RAI14: variants seen among roughly 807,000 people sequenced by gnomAD.
RAI14 encodes retinoic acid induced 14.
A neutral mutation model predicts 115.4 loss-of-function variants in RAI14; 45 were observed. The observed-to-expected ratio is 0.39, with a 90% CI of 0.31 to 0.50. The LOEUF is 0.50. RAI14 is among the 20% of genes least tolerant of loss of function. The pLI, the probability that RAI14 is intolerant of heterozygous loss-of-function variation, is 0.85. For missense variants in RAI14, 939 were observed against 1,131.2 expected, an observed-to-expected ratio of 0.83 and a Z score of 2.44; for synonymous variants, 371 against 415.4, an observed-to-expected ratio of 0.89 and a Z score of 1.30.
intron 16 of RAI14, 52 bp from the exon 17 acceptor site, chr5:34,829,680 T>C (rs1211744137): frequency 1.3e-6 from 2 of 1,495,898 alleles, no homozygotes; most frequent in Non-Finnish European, 1.8e-6. Flanking sequence ...TTTGTTTTTG[T>C]TCTTTAAAGA....
intron 5 of RAI14, among the ~76,000 whole-genome samples, chr5:34,804,316 C>T (rs1754613125): frequency 6.6e-6 from 1 of 152,136 alleles, no homozygotes; most frequent in African/African-American, 2.4e-5. Context: ...ATAATCTTGC[C>T]AGGAAGTTTG....
intron 3 of RAI14, among the ~76,000 whole-genome samples, chr5:34,767,004 A>T (rs114457039): frequency 0.043 from 6,466 of 152,140 alleles, 147 homozygotes; most frequent in Admixed American, 0.063. Context: ...GCCACCACCA[A>T]GTAAGAAGTG....
chr5:34,660,575 C>T (rs1742614218), intron 1 of RAI14, among the ~76,000 whole-genome samples: 1 of 152,188 alleles, frequency 6.6e-6, no homozygotes, highest in African/African-American at 2.4e-5. Flanking sequence ...ATTACTCACC[C>T]AACCTCCTCT....
At chr5:34,743,808 G>A (rs1052055743) in intron 2 of RAI14, among the ~76,000 whole-genome samples, 1 of 152,148 alleles carries the variant, frequency 6.6e-6, no homozygotes, top group Non-Finnish European at 1.5e-5. Flanking sequence ...ATGGGGCGGG[G>A]GTGCAGAGAA....
intron 2 of RAI14, among the ~76,000 whole-genome samples, chr5:34,713,708 T>C (rs1308619288): frequency 2.6e-5 from 4 of 152,114 alleles, no homozygotes; most frequent in Non-Finnish European, 5.9e-5. Flanking sequence ...GCTGAGGAGC[T>C]TTTTAATGGG....
At chr5:34,813,251 TA>T (rs1365952799) in intron 10 of RAI14, among the ~76,000 whole-genome samples, 5 of 152,160 alleles carry the variant, frequency 3.3e-5, no homozygotes, top group Non-Finnish European at 7.4e-5. Context: ...TGCTTTTCAT[TA>T]ATACAGAAAG....
chr5:34,761,869 C>G (rs948039975), intron 3 of RAI14, among the ~76,000 whole-genome samples: 2 of 152,190 alleles, frequency 1.3e-5, no homozygotes, highest in Non-Finnish European at 2.9e-5. Flanking sequence ...CTCAAGTGAT[C>G]CTCCTGCCTC....
chr5:34,760,677 T>C (rs893281697), intron 3 of RAI14, among the ~76,000 whole-genome samples: 1 of 152,232 alleles, frequency 6.6e-6, no homozygotes, highest in African/African-American at 2.4e-5. Flanking sequence ...CTTAACAAAT[T>C]TGAACCTTTT....
chr5:34,800,390 T>C (rs1754114207), intron 4 of RAI14, among the ~76,000 whole-genome samples: 1 of 152,202 alleles, frequency 6.6e-6, no homozygotes, highest in Non-Finnish European at 1.5e-5. Flanking sequence ...GCCCTTGTTA[T>C]TTGCCCACAG....
At chr5:34,801,266 C>T (rs1324312194) in intron 4 of RAI14, among the ~76,000 whole-genome samples, 1 of 152,156 alleles carries the variant, frequency 6.6e-6, no homozygotes, top group Non-Finnish European at 1.5e-5. Context: ...CCACACCTAC[C>T]CTAAAAATCT....
intron 1 of RAI14, among the ~76,000 whole-genome samples, chr5:34,672,285 C>A (rs1330383207): frequency 6.6e-6 from 1 of 152,202 alleles, no homozygotes; most frequent in Admixed American, 6.5e-5. Flanking sequence ...TTAGAGGCTT[C>A]TTTTCTCATA....
intron 9 of RAI14, 73 bp from the exon 10 acceptor site, chr5:34,812,107 G>A: frequency 7.2e-7 from 1 of 1,398,186 alleles, no homozygotes; most frequent in South Asian, 1.3e-5. Context: ...GTATGTGTGT[G>A]TATCCCCCCA....
In RAI14 at chr5:34,831,394, A is replaced by C. The variant is rs1758006621; in HGVS notation, c.*629A>C. ...ACTATTAACTAAAATATGAAACTTA[A>C]AAACAAAAGCAAGTTGTCCTTAAAA... On this transcript the variant is annotated 3_prime_UTR_variant, in exon 18 of 18. Transcript: ENST00000265109. 2 of 152,658 alleles carry C rather than the reference A, an allele frequency of 1.3e-5. No individual in the cohort carries two copies. Among genetic ancestry groups the C allele is most frequent in the Admixed American group, 1.3e-4 (2 of 15,284 alleles). The allele number at this position is 152,658 out of a possible 1,614,324, so 9.5% of individuals were successfully genotyped here. A position where few individuals can be genotyped will look rare whatever the true frequency, so the allele number is the denominator to read the frequency against.
At chr5:34,745,538 TC>T (rs1393704143) in intron 2 of RAI14, among the ~76,000 whole-genome samples, 6 of 152,278 alleles carry the variant, frequency 3.9e-5, no homozygotes, top group African/African-American at 1.4e-4. Flanking sequence ...CTGTCCCCAA[TC>T]CCATAGTCAT....
intron 1 of RAI14, among the ~76,000 whole-genome samples, chr5:34,681,856 CTTTTTTT>C (rs553263716): frequency 8.2e-6 from 1 of 122,192 alleles, no homozygotes; most frequent in Non-Finnish European, 1.6e-5. Flanking sequence ...TTCTTTCTTT[CTTTTTTT>C]TTTTTTTTTG....
intron 2 of RAI14, among the ~76,000 whole-genome samples, chr5:34,697,334 G>A (rs1216977296): frequency 2.6e-5 from 4 of 151,880 alleles, no homozygotes; most frequent in African/African-American, 9.7e-5. Flanking sequence ...TACTCAGGGG[G>A]CTGAGGCAGG....
chr5:34,814,880 A>G (rs545085765), intron 12 of RAI14, among the ~76,000 whole-genome samples: 58 of 152,294 alleles, frequency 3.8e-4, no homozygotes, highest in African/African-American at 1.3e-3. Flanking sequence ...AATAATTTAA[A>G]ATTTTTAAAA....
chr5:34,709,838 T>C (rs370933702), intron 2 of RAI14, among the ~76,000 whole-genome samples: 11 of 152,172 alleles, frequency 7.2e-5, no homozygotes, highest in Admixed American at 3.3e-4. Flanking sequence ...GTAGATATTT[T>C]GTTTTGATCT....
At position 34,807,813 on chromosome 5, in the gene RAI14, C is replaced by A; in HGVS notation, c.335C>A (p.Ala112Asp). The change falls in exon 6 of 18, where the codon GCC (alanine) becomes GAC (aspartate). Residue 112 changes from alanine to aspartate, a missense_variant. Physicochemically the swap from Ala to Asp is moderately radical, Grantham distance 126. Transcript: ENST00000265109. ...IRKLLQSKCP[A>D]ESVDSSGKTA... Reference sequence around the variant, plus strand: ...TTTGTCTTATAGTCTAAATGCCCAGCCGAAAGTGTCGACAGCTCTGGGAAA... The same window carrying A: ...TTTGTCTTATAGTCTAAATGCCCAGACGAAAGTGTCGACAGCTCTGGGAAA... The A allele has an allele frequency of 1.2e-6, 2 of 1,610,046 alleles. No homozygotes were observed. Among genetic ancestry groups the A allele is most frequent in the Non-Finnish European group, 1.7e-6 (2 of 1,176,266 alleles).
Sources: allele counts gnomAD v4.1 joint callset (sites outside exome capture counted in the v4.1 genomes callset), GRCh38; gene constraint gnomAD v4.1.1; transcripts MANE v1.5; gene names NCBI Gene and HGNC (gene_info 2026-07-23, HGNC 2026-07-21).